LPP: variants seen among roughly 807,000 people sequenced by gnomAD.
The protein encoded by LPP is lipoma-preferred partner.
Under a neutral mutation model 60.4 loss-of-function variants are expected in LPP, and 38 were observed. The ratio of observed to expected loss-of-function variants is 0.63; its 90% CI spans 0.49 to 0.83. The LOEUF (loss-of-function observed/expected upper bound fraction) is 0.83, where lower values mean the gene tolerates loss of function less well. LPP is among the 40% of genes least tolerant of loss of function. LPP has a pLI of 0.00. For missense variants in LPP, 902 were observed against 783.6 expected (o/e 1.15, Z -1.80); for synonymous variants, 328 against 290.8 (o/e 1.13, Z -1.30).
chr3:188,184,423 G>A (rs1725972953), intron 1 of LPP, among the ~76,000 whole-genome samples: 1 of 152,192 alleles, frequency 6.6e-6, no homozygotes. Context: ...AGTGTGGGGA[G>A]AGAGACAAGT....
At chr3:188,426,282 TGA>T (rs1391084586) in intron 4 of LPP, among the ~76,000 whole-genome samples, 1 of 152,252 alleles carries the variant, frequency 6.6e-6, no homozygotes, top group Non-Finnish European at 1.5e-5. Flanking sequence ...TTCTGAATCC[TGA>T]GTTCTAATTT....
At chr3:188,611,995 G>A (rs1279065279) in intron 7 of LPP, among the ~76,000 whole-genome samples, 2 of 152,142 alleles carry the variant, frequency 1.3e-5, no homozygotes, top group Non-Finnish European at 2.9e-5. Context: ...CAGAAAACAT[G>A]GAACTTTATT....
At chr3:188,811,424 T>C (rs187889235) in intron 9 of LPP, among the ~76,000 whole-genome samples, 1 of 150,134 alleles carries the variant, frequency 6.7e-6, no homozygotes. Flanking sequence ...AAAATTATGA[T>C]TGGGGAAATC....
intron 1 of LPP, among the ~76,000 whole-genome samples, chr3:188,214,195 A>G (rs1712560674): frequency 6.6e-6 from 1 of 151,438 alleles, no homozygotes; most frequent in Non-Finnish European, 1.5e-5. Context: ...CAATGGCGCG[A>G]TCTCGGCTCA....
rs550779665 is a variant in LPP, at chr3:188,880,937, T to C, written c.*6458T>C. 31 of 163,218 alleles carry C rather than the reference T, an allele frequency of 1.9e-4. No individual in the cohort carries two copies. The highest frequency in any genetic ancestry group is 7.1e-4 in the African/African-American group (29 of 40,958). 10.1% of individuals were successfully genotyped at this position (163,218 alleles called of 1,614,324 possible). ...CGAGGTCAGGAGATCGAGACCATCCTGGCTAACACGGTGAAACCCCGTCTC... is the reference window on the plus strand; with the variant it reads ...CGAGGTCAGGAGATCGAGACCATCCCGGCTAACACGGTGAAACCCCGTCTC... On this transcript the variant is annotated 3_prime_UTR_variant, in exon 12 of 12. Coordinates refer to ENST00000617246, the MANE Select transcript of LPP (RefSeq NM_001375462.1).
At position 188,524,912 on chromosome 3, in the gene LPP, CTT is replaced by C; in HGVS notation, c.429+126_429+127del. On this transcript the variant is annotated intron_variant, in intron 6 of 11. Coordinates refer to ENST00000617246, the MANE Select transcript of LPP (RefSeq NM_001375462.1). ...CCTTCCGTCCGTCCTTCCTTCCTTC[CTT>C]CCTTCCTTCCTTCCTTCCTTCCTTC... is the stretch of plus-strand genomic sequence containing the variant. The C allele has an allele frequency of 1.3e-5, 6 of 457,742 alleles. 1 individual carries two copies. Among genetic ancestry groups the C allele is most frequent in the Non-Finnish European group, 2.3e-5 (6 of 257,518 alleles). 28.4% of individuals were successfully genotyped at this position (457,742 alleles called of 1,614,324 possible). A position where few individuals can be genotyped will look rare whatever the true frequency, so the allele number is the denominator to read the frequency against.
intron 3 of LPP, among the ~76,000 whole-genome samples, chr3:188,393,249 G>T (rs1780127094): frequency 6.6e-6 from 1 of 152,044 alleles, no homozygotes; most frequent in South Asian, 2.1e-4. Flanking sequence ...TAGGTTAGTT[G>T]ATAATAGTTT....
intron 9 of LPP, among the ~76,000 whole-genome samples, chr3:188,822,194 C>A (rs186872174): frequency 6.6e-6 from 1 of 151,994 alleles, no homozygotes; most frequent in Non-Finnish European, 1.5e-5. Context: ...ACAGGAAGAA[C>A]AGGGAGGTCA....
chr3:188,678,787 A>C (rs1858729769), intron 7 of LPP, among the ~76,000 whole-genome samples: 1 of 152,234 alleles, frequency 6.6e-6, no homozygotes, highest in Non-Finnish European at 1.5e-5. Context: ...TAAGATTTAA[A>C]TAGGTTAAAT....
chr3:188,484,753 C>A (rs771348129), intron 5 of LPP, 49 bp downstream of exon 5: 3 of 1,395,516 alleles, frequency 2.1e-6, no homozygotes, highest in Admixed American at 3.4e-5. Flanking sequence ...AAGTTAAAGT[C>A]ATGTTTATAA....
chr3:188,495,080 A>ATATATATATATATATATATATATATT (rs1809613641), intron 5 of LPP, among the ~76,000 whole-genome samples: 2 of 100,812 alleles, frequency 2.0e-5, no homozygotes, highest in Non-Finnish European at 3.5e-5. Flanking sequence ...ATATATATAT[A>ATATATATATATATATATATATATATT]TATTTTATTT....
At chr3:188,635,450 T>C (rs182759775) in intron 7 of LPP, among the ~76,000 whole-genome samples, 3 of 152,322 alleles carry the variant, frequency 2.0e-5, no homozygotes, top group African/African-American at 7.2e-5. Flanking sequence ...CCACAAATAT[T>C]GTGAGAACAG....
At chr3:188,373,499 T>A (rs1353271422) in intron 3 of LPP, among the ~76,000 whole-genome samples, 2 of 152,248 alleles carry the variant, frequency 1.3e-5, no homozygotes, top group East Asian at 3.8e-4. Flanking sequence ...GCTGCATAAA[T>A]GTCTTCTTTT....
chr3:188,343,208 C>T (rs1053365865), intron 3 of LPP, among the ~76,000 whole-genome samples: 2 of 152,082 alleles, frequency 1.3e-5, no homozygotes, highest in Admixed American at 1.3e-4. Context: ...ATGTTCCCCT[C>T]CCTGTGTCCA....
chr3:188,269,840 G>T (rs1577718198), intron 2 of LPP, among the ~76,000 whole-genome samples: 1 of 152,204 alleles, frequency 6.6e-6, no homozygotes, highest in South Asian at 2.1e-4. Context: ...TAGAGACGAG[G>T]TTTCACCATG....
intron 1 of LPP, among the ~76,000 whole-genome samples, chr3:188,174,111 C>G (rs1048728748): frequency 6.6e-6 from 1 of 152,196 alleles, no homozygotes; most frequent in Non-Finnish European, 1.5e-5. Context: ...CCTTGAAAAT[C>G]AGGAAATTCT....
intron 8 of LPP, among the ~76,000 whole-genome samples, chr3:188,721,266 A>G (rs1027274072): frequency 6.6e-6 from 1 of 152,126 alleles, no homozygotes; most frequent in Admixed American, 6.5e-5. Context: ...AATTTTAAAA[A>G]TACGGCTGGA....
intron 7 of LPP, among the ~76,000 whole-genome samples, chr3:188,685,136 A>G (rs778157085): frequency 6.6e-6 from 1 of 152,220 alleles, no homozygotes; most frequent in Non-Finnish European, 1.5e-5. Context: ...AGGTCATACT[A>G]TCAATTGTAG....
chr3:188,692,927 T>A (rs1278855718), intron 7 of LPP, among the ~76,000 whole-genome samples: 1 of 152,232 alleles, frequency 6.6e-6, no homozygotes, highest in African/African-American at 2.4e-5. Context: ...CTGAATGACC[T>A]GGGTCAGTCA....
Sources: allele counts gnomAD v4.1 joint callset (sites outside exome capture counted in the v4.1 genomes callset), GRCh38; gene constraint gnomAD v4.1.1; transcripts MANE v1.5; gene names NCBI Gene and HGNC (gene_info 2026-07-23, HGNC 2026-07-21).